Variants in CTNNA2 observed in about 807,000 individuals in gnomAD.
The protein encoded by CTNNA2 is catenin alpha 2, also known as catenin alpha-2.
CTNNA2 carries 42 observed loss-of-function variants against 101.0 expected under a neutral mutation model. That is an observed-to-expected ratio of 0.42 (90% CI 0.32 to 0.54). The LOEUF (loss-of-function observed/expected upper bound fraction) is 0.54. Ranked by LOEUF, CTNNA2 falls within the 20% of genes least tolerant of loss-of-function variation. CTNNA2 has a pLI of 0.14. For synonymous variants in CTNNA2, 450 were observed against 456.4 expected, an observed-to-expected ratio of 0.99 and a Z score of 0.18; for missense variants, 871 against 1,223.1, an observed-to-expected ratio of 0.71 and a Z score of 4.29.
chr2:79,857,382 T>A (rs1396833232), intron 3 of CTNNA2, among the ~76,000 whole-genome samples: 1 of 152,242 alleles, frequency 6.6e-6, no homozygotes, highest in Non-Finnish European at 1.5e-5. Context: ...GTATTCTTAG[T>A]CAACTTTGTA....
intron 9 of CTNNA2, among the ~76,000 whole-genome samples, chr2:80,520,606 A>G (rs756865054): frequency 1.6e-4 from 25 of 152,192 alleles, no homozygotes; most frequent in Non-Finnish European, 2.9e-4. Flanking sequence ...CCTTGCAGAA[A>G]GAAAGCTAGT....
intron 9 of CTNNA2, among the ~76,000 whole-genome samples, chr2:80,434,995 A>G (rs1031122276): frequency 1.3e-5 from 2 of 151,980 alleles, no homozygotes; most frequent in Admixed American, 6.6e-5. Context: ...GGGTTTCTCA[A>G]CCTCCTCACT....
chr2:80,308,950 G>A (rs898542949), intron 7 of CTNNA2, among the ~76,000 whole-genome samples: 17 of 151,908 alleles, frequency 1.1e-4, no homozygotes, highest in Non-Finnish European at 1.6e-4. Flanking sequence ...TTAGCCAGGC[G>A]TGGTGGTGGG....
At chr2:79,705,116 C>T (rs186431130) in intron 2 of CTNNA2, among the ~76,000 whole-genome samples, 1 of 152,180 alleles carries the variant, frequency 6.6e-6, no homozygotes. Flanking sequence ...TCCTATCATG[C>T]GCTGGACGGT....
intron 9 of CTNNA2, among the ~76,000 whole-genome samples, chr2:80,479,554 C>T (rs1685989507): frequency 1.3e-5 from 2 of 152,004 alleles, no homozygotes; most frequent in Non-Finnish European, 2.9e-5. Context: ...TTTTAGAGGG[C>T]TTTTATATAT....
intron 7 of CTNNA2, among the ~76,000 whole-genome samples, chr2:80,276,077 A>G (rs1351786406): frequency 2.6e-5 from 4 of 152,174 alleles, no homozygotes; most frequent in Admixed American, 2.6e-4. Flanking sequence ...GTGCATATAT[A>G]TTTAATATAA....
chr2:79,535,212 A>T (rs1295488101), intron 1 of CTNNA2, among the ~76,000 whole-genome samples: 2 of 151,934 alleles, frequency 1.3e-5, no homozygotes, highest in Non-Finnish European at 2.9e-5. Flanking sequence ...TTTTCAATGA[A>T]CATATTTTGC....
chr2:80,082,557 C>T (rs542389230), intron 7 of CTNNA2, among the ~76,000 whole-genome samples: 4 of 151,968 alleles, frequency 2.6e-5, no homozygotes, highest in African/African-American at 7.3e-5. Context: ...TGCATTTGGT[C>T]GGTGGGTGAC....
At chr2:79,933,808 T>G (rs1292107434) in intron 7 of CTNNA2, among the ~76,000 whole-genome samples, 1 of 152,236 alleles carries the variant, frequency 6.6e-6, no homozygotes, top group Non-Finnish European at 1.5e-5. Flanking sequence ...TTAAGCACAC[T>G]TAAAATGTTT....
At chr2:79,766,833 G>A (rs914149208) in intron 3 of CTNNA2, among the ~76,000 whole-genome samples, 3 of 151,378 alleles carry the variant, frequency 2.0e-5, no homozygotes, top group East Asian at 3.9e-4. Context: ...TCGGCTCACC[G>A]CAACCTCCAC....
chr2:79,606,742 G>T (rs1028549961), intron 1 of CTNNA2, among the ~76,000 whole-genome samples: 2 of 152,084 alleles, frequency 1.3e-5, no homozygotes, highest in African/African-American at 2.4e-5. Context: ...AGTGTGATAA[G>T]GTTAAAAACA....
chr2:80,606,692 T>C (rs1489432255), intron 16 of CTNNA2, among the ~76,000 whole-genome samples: 2 of 151,902 alleles, frequency 1.3e-5, no homozygotes, highest in African/African-American at 2.4e-5. Context: ...AATAATAGAA[T>C]AGAATGAGTA....
At chr2:79,580,909 G>A (rs1676109690) in intron 1 of CTNNA2, among the ~76,000 whole-genome samples, 1 of 152,130 alleles carries the variant, frequency 6.6e-6, no homozygotes, top group Non-Finnish European at 1.5e-5. Flanking sequence ...TTCATTTATA[G>A]CTTTGCATTT....
At chr2:80,343,826 G>A (rs1672461722) in intron 7 of CTNNA2, among the ~76,000 whole-genome samples, 1 of 152,140 alleles carries the variant, frequency 6.6e-6, no homozygotes, top group Non-Finnish European at 1.5e-5. Context: ...GGTCTGTTAA[G>A]AAACCTAAAC....
intron 7 of CTNNA2, among the ~76,000 whole-genome samples, chr2:80,328,779 G>A (rs1028838421): frequency 2.0e-5 from 3 of 152,326 alleles, no homozygotes; most frequent in South Asian, 2.1e-4. Flanking sequence ...GTCGAACATC[G>A]TAGAATGTAC....
At chr2:79,469,204 C>T (rs1250118116) in intron 4 of CTNNA2, among the ~76,000 whole-genome samples, 1 of 152,178 alleles carries the variant, frequency 6.6e-6, no homozygotes, top group Non-Finnish European at 1.5e-5. Context: ...GATATCACCT[C>T]TGATCCCACA....
intron 7 of CTNNA2, among the ~76,000 whole-genome samples, chr2:80,127,998 C>G (rs141743700): frequency 6.6e-6 from 1 of 151,424 alleles, no homozygotes; most frequent in South Asian, 2.1e-4. Flanking sequence ...TTTGGACAGG[C>G]GATTGTCATG....
chr2:79,188,729 G>A (rs1673814457), intron 1 of CTNNA2, among the ~76,000 whole-genome samples: 1 of 152,182 alleles, frequency 6.6e-6, no homozygotes, highest in Non-Finnish European at 1.5e-5. Context: ...GTAAGTAGTG[G>A]AGGAAAAAGC....
chr2:79,953,085 G>T (rs530166718), intron 7 of CTNNA2, among the ~76,000 whole-genome samples: 1 of 152,100 alleles, frequency 6.6e-6, no homozygotes, highest in African/African-American at 2.4e-5. Context: ...CAAGCACAGC[G>T]ATTGACATCG....
Sources: allele counts gnomAD v4.1 joint callset (sites outside exome capture counted in the v4.1 genomes callset), GRCh38; gene constraint gnomAD v4.1.1; transcripts MANE v1.5; gene names NCBI Gene and HGNC (gene_info 2026-07-23, HGNC 2026-07-21).